The following RNF6 variants were observed in gnomAD, a reference collection of about 807,000 sequenced individuals.
The protein encoded by RNF6 is ring finger protein 6, also known as E3 ubiquitin-protein ligase RNF6.
RNF6 carries 21 observed loss-of-function variants against 50.1 expected under a neutral mutation model. The observed-to-expected ratio is 0.42, with a 90% CI of 0.30 to 0.60. RNF6 has a LOEUF of 0.60. RNF6 is among the 20% of genes least tolerant of loss of function. RNF6 has a pLI of 0.20. For missense variants in RNF6, 698 were observed against 838.2 expected (o/e 0.83, Z 2.07); for synonymous variants, 255 against 291.8 (o/e 0.87, Z 1.29).
chr13:26,160,544 C>CTTT, intron 5 of RNF6, among the ~76,000 whole-genome samples: 1 of 24,302 alleles, frequency 4.1e-5, no homozygotes, highest in Non-Finnish European at 9.2e-5. Context: ...TCTTCTTCTT[C>CTTT]TTTTTTTTTT....
At chr13:26,145,445 T>TGG (rs71188712) in intron 5 of RNF6, among the ~76,000 whole-genome samples, 21 of 46,750 alleles carry the variant, frequency 4.5e-4, no homozygotes, top group African/African-American at 2.1e-3. Context: ...GACTGAATCA[T>TGG]GGGGAGGGGG....
Position 26,183,545 on chromosome 13 carries a change from C to T in RNF6, n.768+31929G>A, listed in dbSNP as rs900603539. On this transcript the variant is annotated intron_variant and non_coding_transcript_variant, in intron 5 of 5. Coordinates refer to the RNF6 transcript ENST00000468480. Reference sequence around the variant, plus strand: ...TAATTCACTTATGATCATTTGCCTCCCTGCGTATATCCATAGTAGATTGTG... The same window carrying T: ...TAATTCACTTATGATCATTTGCCTCTCTGCGTATATCCATAGTAGATTGTG... 3.3e-5 allele frequency among the ~76,000 whole-genome samples: 5 copies of T among 152,098 alleles called. No individual in the cohort carries two copies. In the East Asian group the frequency reaches 9.6e-4, roughly 29 times the overall value.
chr13:26,149,870 GTATATATATA>G (rs749089662), intron 5 of RNF6, among the ~76,000 whole-genome samples: 1 of 73,968 alleles, frequency 1.4e-5, no homozygotes, highest in African/African-American at 5.1e-5. Flanking sequence ...ATGTGTGTGT[GTATATATATA>G]TATATATATA....
In RNF6 at chr13:26,214,018, T is replaced by C. The variant is rs1317266178; in HGVS notation, c.1864A>G (p.Asn622Asp). The C allele has an allele frequency of 6.2e-7, 1 of 1,614,228 alleles. No individual in the cohort carries two copies. The highest frequency in any genetic ancestry group is 8.5e-7 in the Non-Finnish European group (1 of 1,180,034). Residue 622 changes from asparagine to aspartate, a missense_variant, in exon 5 of 5, where the codon AAC becomes GAC. Coordinates refer to ENST00000381588, the MANE Select transcript of RNF6 (RefSeq NM_005977.4). ...TTACCTAGTTCACTATCAATACTGT[T>C]ATGCTCATAGTGCCTGGTGGAAAGA... ...DNLSTRHYEH[N>D]SIDSELGKIC...
chr13:26,185,606 C>T (rs1303678397), intron 5 of RNF6, among the ~76,000 whole-genome samples: 3 of 152,004 alleles, frequency 2.0e-5, no homozygotes, highest in Admixed American at 6.6e-5. Context: ...ATTAGCCTGG[C>T]GTGGTGGCAG....
intron 5 of RNF6, among the ~76,000 whole-genome samples, chr13:26,170,388 C>T (rs1872641960): frequency 2.0e-5 from 3 of 152,162 alleles, no homozygotes. Context: ...GTCCTATAGT[C>T]CAAGATCAGT....
At chr13:26,216,768 C>A (rs752086144) in intron 4 of RNF6, among the ~76,000 whole-genome samples, 6 of 152,100 alleles carry the variant, frequency 3.9e-5, no homozygotes, top group Non-Finnish European at 8.8e-5. Context: ...GCCTGACTGA[C>A]ATGGTAAAAA....
At chr13:26,189,471 C>T (rs1868377175) in intron 5 of RNF6, among the ~76,000 whole-genome samples, 2 of 152,174 alleles carry the variant, frequency 1.3e-5, no homozygotes, top group African/African-American at 4.8e-5. Context: ...TATCTGTGTT[C>T]ATACGAAATT....
At chr13:26,139,672 C>T (rs1870834314) in intron 5 of RNF6, among the ~76,000 whole-genome samples, 1 of 152,142 alleles carries the variant, frequency 6.6e-6, no homozygotes, top group South Asian at 2.1e-4. Context: ...CTCTTCCTGT[C>T]CAAGAAAATG....
chr13:26,136,592 A>G (rs1436950720), intron 5 of RNF6, among the ~76,000 whole-genome samples: 1 of 152,174 alleles, frequency 6.6e-6, no homozygotes, highest in Non-Finnish European at 1.5e-5. Context: ...AATAACACAA[A>G]TCGTTCACGG....
intron 5 of RNF6, among the ~76,000 whole-genome samples, chr13:26,206,381 C>A (rs1869110028): frequency 6.6e-6 from 1 of 152,208 alleles, no homozygotes; most frequent in South Asian, 2.1e-4. Context: ...CTGCAGCAGG[C>A]TGTCGAATTT....
intron 5 of RNF6, among the ~76,000 whole-genome samples, chr13:26,166,903 G>A (rs1172919302): frequency 2.0e-5 from 3 of 152,214 alleles, no homozygotes; most frequent in African/African-American, 7.2e-5. Context: ...CTGGGCGACA[G>A]AGTGAGTGAG....
intron 5 of RNF6, among the ~76,000 whole-genome samples, chr13:26,134,088 G>A (rs1202979217): frequency 6.6e-6 from 1 of 152,222 alleles, no homozygotes; most frequent in Non-Finnish European, 1.5e-5. Flanking sequence ...TGACAGCCAA[G>A]GAGGAGCTCC....
chr13:26,160,187 T>G (rs1054284592), intron 5 of RNF6, among the ~76,000 whole-genome samples: 1 of 152,138 alleles, frequency 6.6e-6, no homozygotes, highest in Non-Finnish European at 1.5e-5. Flanking sequence ...TTAAAGAGAA[T>G]CTACTTAGTA....
intron 5 of RNF6, among the ~76,000 whole-genome samples, chr13:26,163,433 C>A (rs1872309768): frequency 6.6e-6 from 1 of 152,250 alleles, no homozygotes; most frequent in Admixed American, 6.5e-5. Context: ...TCTGTCAATA[C>A]TTCAGAATAA....
intron 5 of RNF6, among the ~76,000 whole-genome samples, chr13:26,161,234 T>C (rs1872198840): frequency 6.6e-6 from 1 of 152,256 alleles, no homozygotes; most frequent in African/African-American, 2.4e-5. Context: ...CTGCAACTTT[T>C]TGATGTGTTC....
downstream of RNF6, among the ~76,000 whole-genome samples, chr13:26,210,454 C>A (rs1869277702): frequency 6.6e-6 from 1 of 152,188 alleles, no homozygotes; most frequent in South Asian, 2.1e-4. Flanking sequence ...ATGCCTCATT[C>A]ATCTCTTTCC....
At chr13:26,189,885 G>A (rs918080762) in intron 5 of RNF6, among the ~76,000 whole-genome samples, 1 of 152,186 alleles carries the variant, frequency 6.6e-6, no homozygotes, top group Admixed American at 6.5e-5. Flanking sequence ...TGACAGTTTA[G>A]CATTTTGGAT....
intron 5 of RNF6, among the ~76,000 whole-genome samples, chr13:26,163,175 G>T (rs1407469486): frequency 6.6e-6 from 1 of 152,136 alleles, no homozygotes; most frequent in Non-Finnish European, 1.5e-5. Context: ...AGCCGGGCGC[G>T]GTGGCGGGTG....
Sources: allele counts gnomAD v4.1 joint callset (sites outside exome capture counted in the v4.1 genomes callset), GRCh38; gene constraint gnomAD v4.1.1; transcripts MANE v1.5; gene names NCBI Gene and HGNC (gene_info 2026-07-23, HGNC 2026-07-21).